The following BEST3 variants were observed in gnomAD, a reference collection of about 807,000 sequenced individuals.
BEST3 encodes bestrophin-3.
Under a neutral mutation model 47.1 loss-of-function variants are expected in BEST3, and 50 were observed. The observed-to-expected ratio is 1.06, with a 90% CI of 0.85 to 1.34. The LOEUF (loss-of-function observed/expected upper bound fraction) is 1.34. Ranked by LOEUF, BEST3 falls within the 40% of genes most tolerant of loss-of-function variation. The pLI, the probability that BEST3 is intolerant of heterozygous loss-of-function variation, is 0.00. For missense variants in BEST3, 765 were observed against 817.0 expected, an observed-to-expected ratio of 0.94 and a Z score of 0.78; for synonymous variants, 282 against 298.8, an observed-to-expected ratio of 0.94 and a Z score of 0.58.
chr12:69,695,754 G>GT (rs1026674431), intron 2 of BEST3, among the ~76,000 whole-genome samples: 1 of 152,130 alleles, frequency 6.6e-6, no homozygotes, highest in Admixed American at 6.5e-5. Context: ...TTTCTCATCT[G>GT]TAAGTGGGGA....
chr12:69,650,195 A>G (rs111443890), downstream of BEST3, among the ~76,000 whole-genome samples: 1,123 of 152,314 alleles, frequency 7.4e-3, 13 homozygotes, highest in African/African-American at 0.025. Flanking sequence ...GAAGAGAGAG[A>G]GTTTGGAGAG....
In BEST3 at chr12:69,696,559, A is replaced by T. The variant is rs376432066; in HGVS notation, c.152+1088T>A. On this transcript the variant is annotated intron_variant, in intron 2 of 9. Transcript: ENST00000330891. ...TCTGAAAAATTATTAGAGGTTGTTAATAGGACTTTCCCTCTAAAAATATTT... is the reference window on the plus strand; with the variant it reads ...TCTGAAAAATTATTAGAGGTTGTTATTAGGACTTTCCCTCTAAAAATATTT... 5.9e-5 allele frequency among the ~76,000 whole-genome samples: 9 copies of T among 152,338 alleles called. No individual in the cohort carries two copies. In the East Asian group the frequency reaches 1.5e-3, roughly 26 times the overall value.
chr12:69,656,150 A>AT (rs1329651268), intron 9 of BEST3, among the ~76,000 whole-genome samples: 1 of 152,214 alleles, frequency 6.6e-6, no homozygotes, highest in Non-Finnish European at 1.5e-5. Context: ...ACATCACCAC[A>AT]TATCTTGTGG....
At chr12:69,676,366 G>T (rs949936838) in intron 7 of BEST3, among the ~76,000 whole-genome samples, 1 of 151,726 alleles carries the variant, frequency 6.6e-6, no homozygotes, top group Non-Finnish European at 1.5e-5. Flanking sequence ...AGCTGAGATT[G>T]CGTTACTGTA....
intron 9 of BEST3, among the ~76,000 whole-genome samples, chr12:69,664,447 C>T (rs1175961250): frequency 2.6e-5 from 4 of 152,092 alleles, no homozygotes; most frequent in Non-Finnish European, 5.9e-5. Flanking sequence ...CACCCGGGGC[C>T]AGTTCTGTGA....
chr12:69,688,914 C>T (rs1371542014), intron 4 of BEST3, among the ~76,000 whole-genome samples: 1 of 152,276 alleles, frequency 6.6e-6, no homozygotes, highest in East Asian at 1.9e-4. Context: ...AAATTTTTAG[C>T]AATATTGATT....
intron 4 of BEST3, among the ~76,000 whole-genome samples, chr12:69,686,547 G>A (rs1885599197): frequency 6.6e-6 from 1 of 151,930 alleles, no homozygotes; most frequent in Admixed American, 6.6e-5. Flanking sequence ...GGCCGAGGTG[G>A]GATCACTTGA....
intron 4 of BEST3, among the ~76,000 whole-genome samples, chr12:69,680,636 A>G (rs1255004801): frequency 6.6e-6 from 1 of 152,012 alleles, no homozygotes; most frequent in East Asian, 1.9e-4. Flanking sequence ...TTTTGACTGA[A>G]TAATTCAAAT....
downstream of BEST3, among the ~76,000 whole-genome samples, chr12:69,652,913 C>T (rs1464966990): frequency 2.6e-5 from 4 of 152,312 alleles, no homozygotes; most frequent in South Asian, 4.1e-4. Flanking sequence ...ATAGTCTATA[C>T]GTAGTGCTTT....
chr12:69,668,409 C>T (rs543913030), intron 9 of BEST3, among the ~76,000 whole-genome samples: 31 of 152,304 alleles, frequency 2.0e-4, no homozygotes, highest in South Asian at 4.2e-4. Context: ...CATCTTGACA[C>T]GTGATCTTCA....
chr12:69,671,645 T>C, intron 8 of BEST3, 66 bp from the exon 9 acceptor site: 1 of 1,501,854 alleles, frequency 6.7e-7, no homozygotes, highest in Non-Finnish European at 9.2e-7. Flanking sequence ...GAAGTTTTTT[T>C]GGGCAGATGA....
At position 69,658,798 on chromosome 12, in the gene BEST3, T is replaced by C. The variant is rs373465942; in HGVS notation, c.1101-2985A>G. ...GTGTTTGTGAGAAATAGGAGATACT[T>C]GAATCTGTGTGAAACACACAGAAAA... On this transcript the variant is annotated intron_variant, in intron 9 of 9. Transcript: ENST00000330891. Among the ~76,000 whole-genome samples the C allele has an allele frequency of 1.2e-4, 19 of 152,242 alleles. No homozygotes were observed. In the East Asian group the frequency reaches 3.3e-3, roughly 26 times the overall value.
intron 4 of BEST3, among the ~76,000 whole-genome samples, chr12:69,681,846 C>T (rs57897082): frequency 0.39 from 59,957 of 151,810 alleles, 11,933 homozygotes; most frequent in South Asian, 0.54. Context: ...TTTGGGAGGC[C>T]GAGGCGGGTG....
At chr12:69,651,584 C>A (rs1565817810), downstream of BEST3, among the ~76,000 whole-genome samples, 2 of 151,932 alleles carry the variant, frequency 1.3e-5, no homozygotes, top group Non-Finnish European at 2.9e-5. Flanking sequence ...ACCAGCCTGG[C>A]CAACATGGTG....
intron 4 of BEST3, among the ~76,000 whole-genome samples, chr12:69,682,315 G>A (rs1175045054): frequency 6.6e-6 from 1 of 152,084 alleles, no homozygotes; most frequent in Non-Finnish European, 1.5e-5. Flanking sequence ...GTTTATTCAG[G>A]ATTTGAAATA....
chr12:69,644,436 TA>T (rs1440349467), intron 9 of BEST3, among the ~76,000 whole-genome samples: 1 of 152,178 alleles, frequency 6.6e-6, no homozygotes, highest in African/African-American at 2.4e-5. Flanking sequence ...TTATTTGAAA[TA>T]GGGGGAGGAG....
In BEST3 at chr12:69,655,149, T is replaced by G. The variant is rs1187742343; in HGVS notation, c.1765A>C (p.Arg589=). 1.2e-6 allele frequency: 2 copies of G among 1,614,150 alleles called. No homozygotes were observed. Among genetic ancestry groups the G allele is most frequent in the Non-Finnish European group, 1.7e-6 (2 of 1,180,010 alleles). Residue 589 remains arginine (R), a synonymous_variant, in exon 10 of 10, where the codon AGG becomes CGG. Transcript: ENST00000330891. Reference sequence around the variant, plus strand: ...CCCAGGAATCCCGGAAGACTCCACCTTTTTAGAAAGGTATCACCAGGGTCT... The same window carrying G: ...CCCAGGAATCCCGGAAGACTCCACCGTTTTAGAAAGGTATCACCAGGGTCT... ...EEDPGDTFLK[R]WSLPGFLGSS...
At chr12:69,692,359 A>T (rs1224254674) in intron 4 of BEST3, among the ~76,000 whole-genome samples, 1 of 152,250 alleles carries the variant, frequency 6.6e-6, no homozygotes, top group Non-Finnish European at 1.5e-5. Flanking sequence ...GAATTATCTC[A>T]TGTAATCCTC....
Position 69,672,966 on chromosome 12 carries a change from C to T in BEST3, c.868-1G>A. 1 of 1,608,510 alleles carries T rather than the reference C, an allele frequency of 6.2e-7. No homozygotes were observed. Among genetic ancestry groups the T allele is most frequent in the Non-Finnish European group, 8.5e-7 (1 of 1,176,696 alleles). On this transcript the variant is annotated splice_acceptor_variant, in intron 7 of 9. Coordinates refer to ENST00000330891, the MANE Select transcript of BEST3 (RefSeq NM_032735.3). LOFTEE classifies it high-confidence loss of function. Reference sequence around the variant, plus strand: ...AAGGGTTGATAAGCTGCTCTGCTACCTGTAGTTGAGAACATAAAATAAATC... The same window carrying T: ...AAGGGTTGATAAGCTGCTCTGCTACTTGTAGTTGAGAACATAAAATAAATC...
Sources: allele counts gnomAD v4.1 joint callset (sites outside exome capture counted in the v4.1 genomes callset), GRCh38; gene constraint gnomAD v4.1.1; transcripts MANE v1.5; gene names NCBI Gene and HGNC (gene_info 2026-07-23, HGNC 2026-07-21).